Variants in RNF150 observed in about 807,000 individuals in gnomAD.
RNF150 encodes ring finger protein 150.
In RNF150, 24 loss-of-function variants were observed where a neutral mutation model predicts 39.3. The ratio of observed to expected loss-of-function variants is 0.61; its 90% confidence interval spans 0.44 to 0.86. The LOEUF is 0.86. Ranked by LOEUF, RNF150 falls within the 40% of genes least tolerant of loss-of-function variation. The pLI is 0.00. For missense variants in RNF150, 502 were observed against 587.8 expected (o/e 0.85, Z 1.51); for synonymous variants, 255 against 227.3 (o/e 1.12, Z -1.10).
intron 1 of RNF150, among the ~76,000 whole-genome samples, chr4:141,031,587 G>A (rs1024196789): frequency 6.6e-5 from 10 of 151,876 alleles, no homozygotes; most frequent in African/African-American, 2.4e-4. Context: ...TTAAAAAATG[G>A]GAAAAGACTT....
intron 1 of RNF150, among the ~76,000 whole-genome samples, chr4:141,023,182 A>G (rs374123293): frequency 2.2e-4 from 34 of 152,208 alleles, no homozygotes; most frequent in African/African-American, 7.2e-4. Flanking sequence ...TGACAAATAA[A>G]ATTTAAAATT....
At chr4:140,882,478 T>C (rs1021573392) in intron 6 of RNF150, among the ~76,000 whole-genome samples, 4 of 152,218 alleles carry the variant, frequency 2.6e-5, no homozygotes, top group African/African-American at 4.8e-5. Flanking sequence ...ATTCTACTTA[T>C]GCCTATTGTT....
chr4:140,910,610 G>A (rs1472696950), intron 6 of RNF150, among the ~76,000 whole-genome samples: 6 of 152,178 alleles, frequency 3.9e-5, no homozygotes, highest in African/African-American at 1.4e-4. Flanking sequence ...CTAAAGGGAT[G>A]CCATTCACAT....
intron 1 of RNF150, among the ~76,000 whole-genome samples, chr4:140,991,016 A>G (rs78942592): frequency 0.081 from 12,351 of 152,226 alleles, 592 homozygotes; most frequent in Middle Eastern, 0.16. Context: ...TGACTGTTTA[A>G]TAATAATTGT....
At chr4:141,178,019 A>C (rs1367131603) in intron 1 of RNF150, among the ~76,000 whole-genome samples, 2 of 151,810 alleles carry the variant, frequency 1.3e-5, no homozygotes, top group Non-Finnish European at 2.9e-5. Flanking sequence ...TATCTATAAA[A>C]CTGACAAATC....
chr4:140,917,752 C>T (rs1370963787), intron 5 of RNF150, among the ~76,000 whole-genome samples: 5 of 151,286 alleles, frequency 3.3e-5, no homozygotes, highest in African/African-American at 9.7e-5. Context: ...TTTTCAGCAC[C>T]ACACCACACC....
intron 1 of RNF150, among the ~76,000 whole-genome samples, chr4:140,991,122 T>G (rs1734183135): frequency 6.6e-6 from 1 of 152,224 alleles, no homozygotes; most frequent in Non-Finnish European, 1.5e-5. Context: ...TTTCGTATGT[T>G]TGTTGACCAC....
chr4:141,195,869 A>C (rs1578791828), intron 1 of RNF150, among the ~76,000 whole-genome samples: 1 of 152,178 alleles, frequency 6.6e-6, no homozygotes, highest in Admixed American at 6.5e-5. Flanking sequence ...TAGTCTGGGA[A>C]ACTAGAGTTA....
chr4:141,193,039 G>C (rs1389198445), intron 1 of RNF150, among the ~76,000 whole-genome samples: 1 of 152,158 alleles, frequency 6.6e-6, no homozygotes, highest in Non-Finnish European at 1.5e-5. Flanking sequence ...CTTCTGGTCT[G>C]TCATTTTATG....
chr4:141,040,031 C>A (rs1009092917), intron 1 of RNF150, among the ~76,000 whole-genome samples: 4 of 152,140 alleles, frequency 2.6e-5, no homozygotes, highest in Admixed American at 6.6e-5. Flanking sequence ...GAAGCCCGCT[C>A]CTTTTTCCTT....
At chr4:141,169,982 C>A (rs116698382) in intron 1 of RNF150, among the ~76,000 whole-genome samples, 4 of 151,966 alleles carry the variant, frequency 2.6e-5, no homozygotes, top group African/African-American at 9.7e-5. Flanking sequence ...TGAATTTATT[C>A]GGAAAAGCAT....
At position 141,132,043 on chromosome 4, in the gene RNF150, C is replaced by T. The variant is rs1310302856; in HGVS notation, c.484+282G>A. On this transcript the variant is annotated intron_variant, in intron 1 of 6. Transcript: ENST00000515673. This position sits in a 1 kb window ranked among gnomAD's most constrained non-coding sequence, Gnocchi z 4.9. ...AGCCCTACCCTCCAAACCCCACCTT[C>T]CAGGTCCCCCTCGGAAAAGTTAGCC... Among the ~76,000 whole-genome samples the T allele has an allele frequency of 1.3e-5, 2 of 152,190 alleles. No individual in the cohort carries two copies. The highest frequency in any genetic ancestry group is 6.5e-5 in the Admixed American group (1 of 15,282).
At chr4:141,141,860 A>G (rs1474270850) in intron 1 of RNF150, among the ~76,000 whole-genome samples, 1 of 152,168 alleles carries the variant, frequency 6.6e-6, no homozygotes, top group Non-Finnish European at 1.5e-5. Flanking sequence ...GAGAAAGATG[A>G]CACCAGTGTG....
rs749762702 is a variant in RNF150, at chr4:140,926,006, T to A, written c.958A>T (p.Met320Leu). Residue 320 changes from methionine (M) to leucine (L), a missense_variant, in exon 5 of 7, where the codon ATG becomes TTG. Coordinates refer to ENST00000515673, the MANE Select transcript of RNF150 (RefSeq NM_020724.2). ...LDHRTCPMCK[M>L]NILKALGIPP... ...ATCCCTAGGGCTTTAAGAATGTTCA[T>A]CTTGCACATGGGACAGGTACGATGG... 11 of 1,613,886 alleles carry A rather than the reference T, an allele frequency of 6.8e-6. No individual in the cohort carries two copies. Among genetic ancestry groups the A allele is most frequent in the Non-Finnish European group, 9.3e-6 (11 of 1,179,758 alleles).
At chr4:141,196,361 G>A (rs924771190) in intron 1 of RNF150, among the ~76,000 whole-genome samples, 3 of 152,144 alleles carry the variant, frequency 2.0e-5, no homozygotes, top group African/African-American at 7.2e-5. Context: ...ACATCAGTTA[G>A]GTTCCCCCTT....
chr4:141,201,574 A>G (rs1458568819), intron 1 of RNF150, among the ~76,000 whole-genome samples: 1 of 151,982 alleles, frequency 6.6e-6, no homozygotes, highest in Non-Finnish European at 1.5e-5. Flanking sequence ...TTCTCTCTGG[A>G]TGTGCCACCT....
intron 2 of RNF150, among the ~76,000 whole-genome samples, chr4:140,965,617 C>A (rs565622802): frequency 2.0e-5 from 3 of 152,004 alleles, no homozygotes; most frequent in Non-Finnish European, 4.4e-5. Context: ...CATAGATGGG[C>A]CTGGAGGACA....
At chr4:141,193,968 C>CTG (rs1728157407) in intron 1 of RNF150, among the ~76,000 whole-genome samples, 1 of 152,188 alleles carries the variant, frequency 6.6e-6, no homozygotes, top group Non-Finnish European at 1.5e-5. Flanking sequence ...ATGACTACAT[C>CTG]TGTGTGTGCT....
At chr4:140,927,741 C>T (rs913284117) in intron 4 of RNF150, among the ~76,000 whole-genome samples, 2 of 149,794 alleles carry the variant, frequency 1.3e-5, no homozygotes, top group East Asian at 1.9e-4. Context: ...CTCTACCTCC[C>T]GGGTTCAAGT....
Sources: allele counts gnomAD v4.1 joint callset (sites outside exome capture counted in the v4.1 genomes callset), GRCh38; gene constraint gnomAD v4.1.1; non-coding constraint Gnocchi (gnomAD v3.1); transcripts MANE v1.5; gene names NCBI Gene and HGNC (gene_info 2026-07-23, HGNC 2026-07-21).